C3orf70: variants seen among roughly 807,000 people sequenced by gnomAD.
C3orf70 encodes the protein UPF0524 protein C3orf70.
In C3orf70, 15 loss-of-function variants were observed where a neutral mutation model predicts 20.7. The observed-to-expected ratio is 0.72, with a 90% confidence interval of 0.48 to 1.11. The LOEUF (loss-of-function observed/expected upper bound fraction) is 1.11, where lower values mean the gene tolerates loss of function less well. C3orf70 is among the 50% of genes most tolerant of loss of function. C3orf70 has a pLI of 0.00. For synonymous variants in C3orf70, 161 were observed against 125.7 expected (o/e 1.28, Z -1.88); for missense variants, 332 against 317.6 (o/e 1.05, Z -0.34).
chr3:185,107,773 T>A (rs1159553166), intron 1 of C3orf70, among the ~76,000 whole-genome samples: 1 of 152,164 alleles, frequency 6.6e-6, no homozygotes, highest in East Asian at 1.9e-4. Flanking sequence ...TTATACAACC[T>A]ATGTGAGCAT....
At chr3:185,088,634 A>C (rs73885674) in intron 1 of C3orf70, among the ~76,000 whole-genome samples, 3,690 of 152,226 alleles carry the variant, frequency 0.024, 122 homozygotes, top group African/African-American at 0.083. Context: ...GCTGTTGATA[A>C]ACTTCGTTAC....
At chr3:185,112,277 G>A (rs1716091688) in intron 1 of C3orf70, among the ~76,000 whole-genome samples, 1 of 152,148 alleles carries the variant, frequency 6.6e-6, no homozygotes, top group Non-Finnish European at 1.5e-5. Context: ...GCTATAGAGC[G>A]AGATTCTGTA....
intron 1 of C3orf70, among the ~76,000 whole-genome samples, chr3:185,094,345 G>C (rs1715657187): frequency 6.6e-6 from 1 of 152,108 alleles, no homozygotes; most frequent in Admixed American, 6.5e-5. Context: ...CCAAAGTGCT[G>C]TGATTACAGG....
chr3:185,148,455 T>C (rs935158152), intron 1 of C3orf70, among the ~76,000 whole-genome samples: 3 of 152,194 alleles, frequency 2.0e-5, no homozygotes, highest in Admixed American at 6.5e-5. Context: ...CCAAATTTAA[T>C]TAACCCTATA....
chr3:185,090,513 G>A (rs1273934736), intron 1 of C3orf70, among the ~76,000 whole-genome samples: 3 of 152,002 alleles, frequency 2.0e-5, no homozygotes, highest in Non-Finnish European at 4.4e-5. Flanking sequence ...AAATATTTGT[G>A]CAAGCAAAAT....
intron 1 of C3orf70, among the ~76,000 whole-genome samples, chr3:185,124,144 G>C (rs1561355479): frequency 6.6e-6 from 1 of 152,178 alleles, no homozygotes; most frequent in Non-Finnish European, 1.5e-5. Flanking sequence ...GTATACAAGA[G>C]AATGTGCATA....
chr3:185,149,123 T>G (rs1478345578), intron 1 of C3orf70, among the ~76,000 whole-genome samples: 1 of 152,240 alleles, frequency 6.6e-6, no homozygotes, highest in East Asian at 1.9e-4. Context: ...CTGGGCATGG[T>G]GGCTCATGCC....
At chr3:185,102,097 G>C (rs776717755) in intron 1 of C3orf70, among the ~76,000 whole-genome samples, 8 of 152,034 alleles carry the variant, frequency 5.3e-5, no homozygotes, top group Non-Finnish European at 1.2e-4. Flanking sequence ...AGAATGAAAG[G>C]GCATCCATAC....
chr3:185,148,377 C>G (rs1163721558), intron 1 of C3orf70, among the ~76,000 whole-genome samples: 1 of 152,148 alleles, frequency 6.6e-6, no homozygotes, highest in Admixed American at 6.6e-5. Context: ...TGAATGGCAC[C>G]ACCATCCACA....
intron 1 of C3orf70, among the ~76,000 whole-genome samples, chr3:185,104,611 G>C (rs573038527): frequency 6.6e-6 from 1 of 150,508 alleles, no homozygotes; most frequent in South Asian, 2.1e-4. Flanking sequence ...TAAAGAAAAA[G>C]TGGTACACAT....
At chr3:185,142,316 G>A (rs976884321) in intron 1 of C3orf70, among the ~76,000 whole-genome samples, 2 of 152,128 alleles carry the variant, frequency 1.3e-5, no homozygotes, top group African/African-American at 4.8e-5. Context: ...AAATGAGCCA[G>A]GCATGGTGGC....
rs751828413 is a variant in C3orf70, at chr3:185,146,974, G to A, written c.196+5654C>T. On this transcript the variant is annotated intron_variant, in intron 1 of 1. Coordinates refer to ENST00000335012, the MANE Select transcript of C3orf70 (RefSeq NM_001025266.3). ...AAATGTGTAACCAAACATTTGCTGC[G>A]ATAGCGCAGCCATAAGGACCAGAGA... Among the ~76,000 whole-genome samples the A allele has an allele frequency of 5.9e-5, 9 of 152,300 alleles. 1 individual carries two copies. Among genetic ancestry groups the A allele is most frequent in the South Asian group, 4.1e-4 (2 of 4,824 alleles).
intron 1 of C3orf70, among the ~76,000 whole-genome samples, chr3:185,112,988 TA>T (rs1338915667): frequency 1.3e-5 from 2 of 152,212 alleles, no homozygotes; most frequent in African/African-American, 4.8e-5. Context: ...GAACATGAGT[TA>T]AATTTTTAAC....
rs201474525 is a variant in C3orf70 at position 185,077,779 on chromosome 3, T to TTGG, written c.*5225_*5227dup. Among the ~76,000 whole-genome samples the TTGG allele has an allele frequency of 8.2e-3, 846 of 103,016 alleles. 6 individuals are homozygous for TTGG. The highest frequency in any genetic ancestry group is 0.018 in the South Asian group (40 of 2,258). 67.6% of individuals were successfully genotyped at this position (103,016 alleles called of 152,430 possible). A position where few individuals can be genotyped will look rare whatever the true frequency, so the allele number is the denominator to read the frequency against. On this transcript the variant is annotated 3_prime_UTR_variant, in exon 2 of 2. Coordinates refer to ENST00000335012, the MANE Select transcript of C3orf70 (RefSeq NM_001025266.3). Reference sequence around the variant, plus strand: ...TAACTGCGTGTGAAATAAATGCTATTTGGTGGTGGTGGGGGGGGGGTATCA... The same window carrying TTGG: ...TAACTGCGTGTGAAATAAATGCTATTTGGTGGTGGTGGTGGGGGGGGGGTATCA...
intron 1 of C3orf70, among the ~76,000 whole-genome samples, chr3:185,100,850 G>A (rs61619676): frequency 6.6e-6 from 1 of 151,646 alleles, no homozygotes; most frequent in Non-Finnish European, 1.5e-5. Context: ...AATGGCAAAG[G>A]GCATATTACA....
chr3:185,104,097 G>A (rs73885694), intron 1 of C3orf70, among the ~76,000 whole-genome samples: 7,905 of 152,250 alleles, frequency 0.052, 668 homozygotes, highest in African/African-American at 0.18. Flanking sequence ...AAGCTTTTGA[G>A]TTCAACTGTA....
chr3:185,126,527 C>A (rs546829920), intron 1 of C3orf70, among the ~76,000 whole-genome samples: 1 of 152,038 alleles, frequency 6.6e-6, no homozygotes, highest in Non-Finnish European at 1.5e-5. Context: ...GGAAGAAATA[C>A]GTGAGAAATA....
intron 1 of C3orf70, among the ~76,000 whole-genome samples, chr3:185,114,330 T>C (rs1716134798): frequency 6.6e-6 from 1 of 152,096 alleles, no homozygotes; most frequent in Admixed American, 6.6e-5. Flanking sequence ...AGTCAAGTAA[T>C]TATTCAGATA....
chr3:185,095,014 G>C (rs1715673058), intron 1 of C3orf70, among the ~76,000 whole-genome samples: 1 of 152,268 alleles, frequency 6.6e-6, no homozygotes, highest in South Asian at 2.1e-4. Flanking sequence ...GGCATAAATA[G>C]GGGAGTGGCT....
Sources: gnomAD v4.1 joint callset for allele counts (sites outside exome capture counted in the v4.1 genomes callset) on GRCh38, gnomAD v4.1.1 for gene constraint, MANE v1.5 for transcripts, NCBI Gene and HGNC (gene_info 2026-07-23, HGNC 2026-07-21) for gene names.